Variants in COG2 observed in about 807,000 individuals in gnomAD.
The protein encoded by COG2 is component of oligomeric golgi complex 2.
Under a neutral mutation model 90.6 loss-of-function variants are expected in COG2, and 52 were observed. The observed-to-expected ratio is 0.57, with a 90% CI of 0.46 to 0.72. The LOEUF is 0.72. COG2 is among the 30% of genes least tolerant of loss of function. COG2 has a pLI of 0.00. For missense variants in COG2, 829 were observed against 891.2 expected, an observed-to-expected ratio of 0.93 and a Z score of 0.89; for synonymous variants, 337 against 320.4, an observed-to-expected ratio of 1.05 and a Z score of -0.55.
intron 17 of COG2, among the ~76,000 whole-genome samples, chr1:230,692,320 T>C (rs1663049044): frequency 6.6e-6 from 1 of 151,752 alleles, no homozygotes; most frequent in Admixed American, 6.6e-5. Flanking sequence ...TTGGTGGTGT[T>C]TTGGAGAACT....
chr1:230,688,710 G>A lies in COG2; in HGVS notation c.1794+148G>A, dbSNP rs563005584. On this transcript the variant is annotated intron_variant, in intron 15 of 17. Coordinates refer to ENST00000366669, the MANE Select transcript of COG2 (RefSeq NM_007357.3). ...ATTCTGAGAATGGTATTGATGAAGA[G>A]AGGGAGGTTGGGCAGGGGTGGTCAG... The A allele has an allele frequency of 4.7e-5, 43 of 910,158 alleles. No homozygotes were observed. The African/African-American group carries it at 6.6e-4, about 14-fold the overall frequency. The allele number at this position is 910,158 out of a possible 1,614,324, so 56.4% of individuals were successfully genotyped here. A position where few individuals can be genotyped will look rare whatever the true frequency, so the allele number is the denominator to read the frequency against.
intron 1 of COG2, among the ~76,000 whole-genome samples, chr1:230,657,468 A>G (rs1398463845): frequency 6.6e-6 from 1 of 152,118 alleles, no homozygotes; most frequent in Admixed American, 6.6e-5. Flanking sequence ...TTTGTGGGTA[A>G]CCTGACCTTT....
intron 12 of COG2, among the ~76,000 whole-genome samples, chr1:230,685,910 G>T (rs1220959911): frequency 1.3e-5 from 2 of 152,162 alleles, no homozygotes; most frequent in Non-Finnish European, 2.9e-5. Flanking sequence ...GCAGTGTGAG[G>T]AGTATGCAAA....
At chr1:230,690,647 TAATGA>T (rs1288398028) in intron 16 of COG2, among the ~76,000 whole-genome samples, 5 of 152,238 alleles carry the variant, frequency 3.3e-5, no homozygotes, top group Admixed American at 2.6e-4. Flanking sequence ...TGTCTTTTTC[TAATGA>T]AATTTGCTTT....
chr1:230,685,276 A>G, intron 12 of COG2, 40 bp downstream of exon 12: 1 of 1,605,412 alleles, frequency 6.2e-7, no homozygotes, highest in Non-Finnish European at 8.5e-7. Context: ...ATCAATACTG[A>G]TAAAAATTAA....
intron 1 of COG2, chr1:230,643,084 T>G (rs190058282): frequency 9.0e-5 from 16 of 178,758 alleles, no homozygotes; most frequent in Admixed American, 3.7e-4. Flanking sequence ...TCCTAGGGAC[T>G]CGGGTCGGAA....
rs1662548324 is a variant in COG2, at chr1:230,674,980, T to G, written c.900-18T>G. ...TAGATTATGGTATATTTTACTGATA[T>G]GTGCCCTTATTTTACAGTGAAAAAG... On this transcript the variant is annotated intron_variant, in intron 8 of 17. Coordinates refer to ENST00000366669, the MANE Select transcript of COG2 (RefSeq NM_007357.3). 6.3e-7 allele frequency: 1 copy of G among 1,593,586 alleles called. No individual in the cohort carries two copies. Among genetic ancestry groups the G allele is most frequent in the African/African-American group, 1.3e-5 (1 of 74,298 alleles).
intron 15 of COG2, 75 bp downstream of exon 15, chr1:230,688,637 G>C: frequency 3.4e-5 from 51 of 1,500,388 alleles, no homozygotes; most frequent in Middle Eastern, 3.9e-4. Context: ...AAGGAAGGAA[G>C]GAAGCGGCGG....
At chr1:230,660,726 GGTGT>G in intron 2 of COG2, 28 bp from the exon 3 acceptor site, 1 of 1,505,392 alleles carries the variant, frequency 6.6e-7, no homozygotes, top group Non-Finnish European at 9.0e-7. Context: ...TTGATTGTGA[GGTGT>G]GTGTGCCAAC....
chr1:230,685,029 T>G, intron 11 of COG2, 56 bp from the exon 12 acceptor site: 3 of 1,485,506 alleles, frequency 2.0e-6, no homozygotes, highest in Non-Finnish European at 2.8e-6. Context: ...CATTAGACTA[T>G]AGCCTAAAAT....
intron 12 of COG2, among the ~76,000 whole-genome samples, chr1:230,686,638 A>C (rs1662890804): frequency 6.6e-6 from 1 of 152,124 alleles, no homozygotes; most frequent in Non-Finnish European, 1.5e-5. Context: ...GATGTCCCCA[A>C]AATTAATTTT....
At chr1:230,682,367 T>C (rs1662771512) in intron 10 of COG2, 1 of 152,432 alleles carries the variant, frequency 6.6e-6, no homozygotes, top group Non-Finnish European at 1.5e-5. Context: ...CTCTTACTGC[T>C]GTTCCTGGGC....
intron 9 of COG2, chr1:230,677,964 C>G (rs1028858466): frequency 2.1e-6 from 2 of 963,000 alleles, no homozygotes; most frequent in Non-Finnish European, 2.5e-6. Context: ...CCTAGACCAC[C>G]CTCTGGGATA....
At position 230,662,286 on chromosome 1, in the gene COG2, T is replaced by C. The variant is rs1170428741; in HGVS notation, c.301-855T>C. Reference sequence around the variant, plus strand: ...CTCATGAAGCTACTCTGTGAGATTCTGCAGTCGTTGAGAAATGAGACTATT... The same window carrying C: ...CTCATGAAGCTACTCTGTGAGATTCCGCAGTCGTTGAGAAATGAGACTATT... On this transcript the variant is annotated intron_variant, in intron 3 of 17. Transcript: ENST00000366669. 2.0e-5 allele frequency among the ~76,000 whole-genome samples: 3 copies of C among 152,202 alleles called. 1 individual carries two copies. The highest frequency in any genetic ancestry group is 4.1e-4 in the South Asian group (2 of 4,832).
intron 3 of COG2, among the ~76,000 whole-genome samples, chr1:230,662,093 C>T (rs1414345111): frequency 6.6e-6 from 1 of 152,130 alleles, no homozygotes; most frequent in Non-Finnish European, 1.5e-5. Context: ...GATTCACTCT[C>T]CCGAATTCTG....
At chr1:230,678,729 C>T in intron 9 of COG2, 184 bp from the exon 10 acceptor site, 1 of 1,503,500 alleles carries the variant, frequency 6.7e-7, no homozygotes, top group South Asian at 1.2e-5. Context: ...CACAGAACCA[C>T]TTTGGGCATT....
chr1:230,671,105 A>AAT (rs1227492266), intron 7 of COG2: 3 of 152,428 alleles, frequency 2.0e-5, no homozygotes, highest in Admixed American at 6.5e-5. Context: ...ATAATGAACT[A>AAT]ATATATTTTC....
intron 4 of COG2, among the ~76,000 whole-genome samples, chr1:230,663,775 C>T (rs573626472): frequency 1.3e-5 from 2 of 152,124 alleles, no homozygotes; most frequent in African/African-American, 2.4e-5. Context: ...TGGCACTTAA[C>T]GTTTATTGGT....
At chr1:230,653,860 C>T (rs1024702500) in intron 1 of COG2, among the ~76,000 whole-genome samples, 1 of 152,058 alleles carries the variant, frequency 6.6e-6, no homozygotes, top group African/African-American at 2.4e-5. Flanking sequence ...ACTTTTATAA[C>T]CCTCTCTCAA....
Sources: allele counts gnomAD v4.1 joint callset (sites outside exome capture counted in the v4.1 genomes callset), GRCh38; gene constraint gnomAD v4.1.1; transcripts MANE v1.5; gene names NCBI Gene and HGNC (gene_info 2026-07-23, HGNC 2026-07-21).